The following ADGRV1 variants were observed in gnomAD, a reference collection of about 807,000 sequenced individuals.
The protein encoded by ADGRV1 is G-protein coupled receptor 98.
A neutral mutation model predicts 596.2 loss-of-function variants in ADGRV1; 359 were observed. The observed-to-expected ratio is 0.60, with a 90% CI of 0.55 to 0.66. ADGRV1 has a LOEUF of 0.66. Ranked by LOEUF, ADGRV1 falls within the 30% of genes least tolerant of loss-of-function variation. ADGRV1 has a pLI of 0.00. For synonymous variants in ADGRV1, 2,681 were observed against 2,679.2 expected (o/e 1.00, Z -0.02); for missense variants, 7,274 against 7,575.6 (o/e 0.96, Z 1.48).
Position 90,692,762 on chromosome 5 carries a change from G to T in ADGRV1, c.7109G>T (p.Cys2370Phe). 1 of 1,601,986 alleles carries T rather than the reference G, an allele frequency of 6.2e-7. No individual in the cohort carries two copies. The stretch of plus-strand genomic sequence containing the variant: ...CAAGAGCCTCTGGAAAGAAGTTCCT[G>T]TGCTAATATAACTGTCAGGCGAAGG... The part of the protein sequence containing the change: ...RVQEPLERSS[C>F]ANITVRRSGG... The change falls in exon 32 of 90, where the codon TGT becomes TTT. Residue 2370 changes from cysteine (C) to phenylalanine (F), a missense_variant. This residue lies in a region of ADGRV1 where 3,643 missense variants were observed against 3,809.2 expected (regional missense o/e 0.96). Coordinates refer to ENST00000405460, the MANE Select transcript of ADGRV1 (RefSeq NM_032119.4).
chr5:90,870,873 A>C (rs2150496142), intron 83 of ADGRV1, among the ~76,000 whole-genome samples: 1 of 152,354 alleles, frequency 6.6e-6, no homozygotes, highest in Middle Eastern at 3.4e-3. Flanking sequence ...AGGAATTAGT[A>C]AGTTTCTCTT....
rs760913103 is a variant in ADGRV1, at chr5:90,705,419, C to T, written c.8406C>T (p.Ile2802=). Residue 2802 remains isoleucine (I), a synonymous_variant, in exon 37 of 90, where the codon ATC becomes ATT. Transcript: ENST00000405460. ...VRTQGVPPAG[I]ALLDAQGYAA... ...TTTTAGGAGTTCCACCAGCCGGAAT[C>T]GCCCTGCTTGATGCTCAAGGATATG... 73 of 1,613,642 alleles carry T rather than the reference C, an allele frequency of 4.5e-5. No homozygotes were observed. Among genetic ancestry groups the T allele is most frequent in the East Asian group, 6.7e-5 (3 of 44,880 alleles).
chr5:90,631,420 G>A (rs557226477), intron 9 of ADGRV1, among the ~76,000 whole-genome samples: 57 of 152,220 alleles, frequency 3.7e-4, no homozygotes, highest in African/African-American at 1.2e-3. Context: ...GACCTGTTAC[G>A]GGGATGTAGG....
intron 2 of ADGRV1, among the ~76,000 whole-genome samples, chr5:90,615,434 G>A (rs1461154458): frequency 2.0e-5 from 3 of 151,854 alleles, no homozygotes; most frequent in Non-Finnish European, 4.4e-5. Context: ...AGCTCTTTTA[G>A]TGGGAAAAAT....
At chr5:90,781,613 C>T (rs371622983) in intron 65 of ADGRV1, 35 bp downstream of exon 65, 77 of 1,565,228 alleles carry the variant, frequency 4.9e-5, no homozygotes, top group Middle Eastern at 2.0e-4. Flanking sequence ...AGTAAGTTTA[C>T]TACCACTTTC....
intron 77 of ADGRV1, among the ~76,000 whole-genome samples, chr5:90,833,380 G>A (rs75951479): frequency 0.039 from 5,906 of 152,124 alleles, 166 homozygotes; most frequent in African/African-American, 0.078. Flanking sequence ...GACCTCCTAG[G>A]CTCAAGCAAT....
chr5:90,873,632 A>G (rs1424566951), intron 83 of ADGRV1, among the ~76,000 whole-genome samples: 1 of 152,122 alleles, frequency 6.6e-6, no homozygotes, highest in Non-Finnish European at 1.5e-5. Flanking sequence ...AAAAATGCTC[A>G]GAGAAAAAAA....
At chr5:90,721,576 T>TAAAATAAAATAAATAAAATATAAA (rs1554094713) in intron 45 of ADGRV1, among the ~76,000 whole-genome samples, 15,170 of 120,058 alleles carry the variant, frequency 0.13, 1,991 homozygotes, top group Non-Finnish European at 0.16. Flanking sequence ...TAAAATAAAA[T>TAAAATAAAATAAATAAAATATAAA]AAAATAAAAT....
rs1482646280 is a variant in ADGRV1 at position 90,697,083 on chromosome 5, A to G, written c.8092A>G (p.Asn2698Asp). 2 of 1,613,476 alleles carry G rather than the reference A, an allele frequency of 1.2e-6. No individual in the cohort carries two copies. Among genetic ancestry groups the G allele is most frequent in the Admixed American group, 1.7e-5 (1 of 59,988 alleles). Reference sequence around the variant, plus strand: ...CACTGTTAGAGTGAACATTTTGGCCAATGACAATGTGGCAGGAATTGTTAG... The same window carrying G: ...CACTGTTAGAGTGAACATTTTGGCCGATGACAATGTGGCAGGAATTGTTAG... ...SDTVRVNILA[N>D]DNVAGIVSFQ... The change falls in exon 34 of 90, where the codon AAT becomes GAT. Residue 2698 changes from asparagine (N) to aspartate (D), a missense_variant. Coordinates refer to ENST00000405460, the MANE Select transcript of ADGRV1 (RefSeq NM_032119.4).
intron 89 of ADGRV1, among the ~76,000 whole-genome samples, chr5:91,162,322 G>A (rs1361250403): frequency 6.6e-6 from 1 of 152,162 alleles, no homozygotes; most frequent in Admixed American, 6.5e-5. Flanking sequence ...CATGTTTCAA[G>A]GGATAGCAGA....
intron 59 of ADGRV1, among the ~76,000 whole-genome samples, chr5:90,773,862 A>T (rs1029598273): frequency 4.6e-5 from 7 of 152,184 alleles, no homozygotes; most frequent in Admixed American, 2.6e-4. Flanking sequence ...GCTGTTTCTT[A>T]TAAAGTCTAT....
chr5:90,856,793 C>G (rs977650723), intron 82 of ADGRV1, among the ~76,000 whole-genome samples: 98 of 152,234 alleles, frequency 6.4e-4, no homozygotes, highest in African/African-American at 1.7e-3. Flanking sequence ...TTTTCCCACC[C>G]ATGATATTTG....
At chr5:90,597,843 G>C (rs1364643371) in intron 1 of ADGRV1, among the ~76,000 whole-genome samples, 1 of 152,160 alleles carries the variant, frequency 6.6e-6, no homozygotes, top group Admixed American at 6.5e-5. Flanking sequence ...TCTTAGAGAA[G>C]AGTATGCATG....
Position 90,628,850 on chromosome 5 carries a change from C to T in ADGRV1, c.1509+18C>T, listed in dbSNP as rs1765138573. ...CAGCGGAGGTATAACCCTTGTTATG[C>T]TTTATGCTTGTTAATATTTCTGTGC... On this transcript the variant is annotated intron_variant, in intron 8 of 89. Transcript: ENST00000405460. 2 of 1,606,084 alleles carry T rather than the reference C, an allele frequency of 1.2e-6. No homozygotes were observed. The highest frequency in any genetic ancestry group is 1.1e-5 in the South Asian group (1 of 90,278).
intron 1 of ADGRV1, among the ~76,000 whole-genome samples, chr5:90,566,477 T>A (rs1755645560): frequency 6.6e-6 from 1 of 152,064 alleles, no homozygotes; most frequent in Admixed American, 6.5e-5. Context: ...ATGGTTTTAT[T>A]TCTGGACTCA....
At chr5:90,909,232 A>G (rs1772612799) in intron 83 of ADGRV1, among the ~76,000 whole-genome samples, 1 of 152,182 alleles carries the variant, frequency 6.6e-6, no homozygotes, top group South Asian at 2.1e-4. Flanking sequence ...CTTGGGCCTC[A>G]CATCTGTTTC....
At chr5:90,657,855 G>T in intron 20 of ADGRV1, 50 bp from the exon 21 acceptor site, 2 of 1,494,258 alleles carry the variant, frequency 1.3e-6, no homozygotes, top group Middle Eastern at 1.8e-4. Context: ...TAAAATTTAG[G>T]ACAGGACACT....
intron 83 of ADGRV1, among the ~76,000 whole-genome samples, chr5:90,950,798 T>G (rs1383380250): frequency 6.6e-6 from 1 of 152,224 alleles, no homozygotes; most frequent in Non-Finnish European, 1.5e-5. Context: ...CACCTTGTAG[T>G]GAGAGCTTAG....
intron 85 of ADGRV1, among the ~76,000 whole-genome samples, chr5:90,989,431 T>C (rs1163455008): frequency 6.6e-6 from 1 of 152,232 alleles, no homozygotes; most frequent in African/African-American, 2.4e-5. Context: ...CAATATTCTA[T>C]AATCATGAAT....
Sources: allele counts gnomAD v4.1 joint callset (sites outside exome capture counted in the v4.1 genomes callset), GRCh38; gene constraint gnomAD v4.1.1; regional missense constraint gnomAD v4.1.1; transcripts MANE v1.5; gene names NCBI Gene and HGNC (gene_info 2026-07-23, HGNC 2026-07-21).